Variants in ANKFN1 observed in about 807,000 individuals in gnomAD.
ANKFN1 encodes the protein ankyrin repeat and fibronectin type III domain containing 1.
ANKFN1 carries 74 observed loss-of-function variants against 108.7 expected under a neutral mutation model. The observed-to-expected ratio is 0.68, with a 90% CI of 0.56 to 0.83. ANKFN1 has a LOEUF of 0.83. Ranked by LOEUF, ANKFN1 falls within the 40% of genes least tolerant of loss-of-function variation. ANKFN1 has a pLI of 0.00. For synonymous variants in ANKFN1, 547 were observed against 516.2 expected (o/e 1.06, Z -0.81); for missense variants, 1,505 against 1,382.3 (o/e 1.09, Z -1.41).
intron 1 of ANKFN1, among the ~76,000 whole-genome samples, chr17:56,163,247 C>T (rs1049450727): frequency 1.3e-5 from 2 of 151,952 alleles, no homozygotes; most frequent in African/African-American, 4.8e-5. Context: ...CCAGTTTTGC[C>T]TATAACATTG....
At chr17:56,506,954 A>G (rs970237469) in intron 20 of ANKFN1, among the ~76,000 whole-genome samples, 2 of 152,226 alleles carry the variant, frequency 1.3e-5, no homozygotes, top group Non-Finnish European at 2.9e-5. Context: ...AACAAAATAA[A>G]GCATTCAGAG....
intron 12 of ANKFN1, 82 bp downstream of exon 12, chr17:56,457,042 A>C: frequency 7.4e-7 from 1 of 1,349,664 alleles, no homozygotes; most frequent in East Asian, 2.4e-5. Context: ...ACTTGGTAGA[A>C]ATTTTTTTGT....
chr17:56,119,078 T>C (rs1906448484), intron 4 of ANKFN1, among the ~76,000 whole-genome samples: 1 of 152,126 alleles, frequency 6.6e-6, no homozygotes, highest in Admixed American at 6.6e-5. Context: ...TTTAGGGATC[T>C]GTGAGACATA....
intron 3 of ANKFN1, among the ~76,000 whole-genome samples, chr17:56,233,590 G>A (rs1377199685): frequency 6.6e-6 from 1 of 151,744 alleles, no homozygotes; most frequent in Non-Finnish European, 1.5e-5. Context: ...TCCTAATCAT[G>A]TCCAGTTCTC....
At chr17:56,134,464 C>T (rs774813534) in intron 4 of ANKFN1, among the ~76,000 whole-genome samples, 13 of 152,130 alleles carry the variant, frequency 8.5e-5, no homozygotes, top group Non-Finnish European at 8.8e-5. Flanking sequence ...CGGCCCCTAT[C>T]CAGGAGCCCA....
intron 3 of ANKFN1, among the ~76,000 whole-genome samples, chr17:56,319,973 A>G (rs2045316687): frequency 6.6e-6 from 1 of 152,212 alleles, no homozygotes; most frequent in South Asian, 2.1e-4. Flanking sequence ...AAAGGAATGA[A>G]GTGGAAATAC....
intron 1 of ANKFN1, among the ~76,000 whole-genome samples, chr17:56,188,588 T>C (rs1288014421): frequency 8.3e-6 from 1 of 120,676 alleles, no homozygotes; most frequent in Admixed American, 8.2e-5. Context: ...TGTGTATATA[T>C]ATATATATAT....
At chr17:56,356,840 C>T (rs2046388860) in intron 6 of ANKFN1, among the ~76,000 whole-genome samples, 1 of 152,098 alleles carries the variant, frequency 6.6e-6, no homozygotes, top group Non-Finnish European at 1.5e-5. Context: ...GACCATTCAT[C>T]CAGATGTTGC....
intron 4 of ANKFN1, among the ~76,000 whole-genome samples, chr17:56,085,860 C>T (rs1279068874): frequency 6.6e-6 from 1 of 151,300 alleles, no homozygotes; most frequent in Non-Finnish European, 1.5e-5. Context: ...AGCTTGTAAG[C>T]AGGCTGTGAT....
intron 3 of ANKFN1, among the ~76,000 whole-genome samples, chr17:56,293,705 A>G (rs1263135697): frequency 6.6e-6 from 1 of 152,196 alleles, no homozygotes; most frequent in Non-Finnish European, 1.5e-5. Context: ...AAATCGAAAG[A>G]CTTTCTACTC....
chr17:56,403,127 T>C (rs921493212), intron 8 of ANKFN1, among the ~76,000 whole-genome samples: 1 of 152,180 alleles, frequency 6.6e-6, no homozygotes, highest in Non-Finnish European at 1.5e-5. Flanking sequence ...ATATGGTCTA[T>C]CTTGGAGAAA....
intron 2 of ANKFN1, among the ~76,000 whole-genome samples, chr17:56,216,749 C>A (rs911733877): frequency 1.3e-5 from 2 of 152,172 alleles, no homozygotes; most frequent in African/African-American, 4.8e-5. Context: ...AAAGCAAAGC[C>A]TCAGGTGGAG....
chr17:56,132,267 T>G (rs1321161818), intron 4 of ANKFN1, among the ~76,000 whole-genome samples: 1 of 152,176 alleles, frequency 6.6e-6, no homozygotes, highest in Non-Finnish European at 1.5e-5. Flanking sequence ...CCCCATTTGA[T>G]AAATGAAGAA....
chr17:56,430,133 C>T (rs1306867094), intron 8 of ANKFN1, among the ~76,000 whole-genome samples: 3 of 152,024 alleles, frequency 2.0e-5, no homozygotes, highest in Admixed American at 6.6e-5. Flanking sequence ...GATATTAAAC[C>T]GTAAGCTCCT....
intron 1 of ANKFN1, among the ~76,000 whole-genome samples, chr17:56,161,924 A>T (rs575231662): frequency 2.0e-5 from 3 of 152,380 alleles, no homozygotes; most frequent in Admixed American, 1.3e-4. Context: ...AAAATGCAGG[A>T]TGCAGGCAGC....
chr17:56,281,386 C>A (rs183458836), intron 3 of ANKFN1, among the ~76,000 whole-genome samples: 3 of 152,110 alleles, frequency 2.0e-5, no homozygotes, highest in Non-Finnish European at 4.4e-5. Flanking sequence ...CAACCCCTAT[C>A]TCATACAAAA....
Position 56,050,711 on chromosome 17 carries a change from G to A in ANKFN1, c.288+4386G>A, listed in dbSNP as rs558462343. 3.4e-4 allele frequency among the ~76,000 whole-genome samples: 52 copies of A among 151,984 alleles called. No homozygotes were observed. The East Asian group carries it at 3.7e-3, about 11-fold the overall frequency. ...AAAGATCAGATAGTTGTAGATATGC[G>A]GCGTTATTTCTGAGGGCTCTGTTCT... is the stretch of plus-strand genomic sequence containing the variant. On this transcript the variant is annotated intron_variant, in intron 4 of 12. Coordinates refer to the ANKFN1 transcript ENST00000635860.
intron 2 of ANKFN1, among the ~76,000 whole-genome samples, chr17:56,214,195 C>A (rs985152793): frequency 5.3e-5 from 8 of 152,194 alleles, no homozygotes; most frequent in Admixed American, 5.2e-4. Flanking sequence ...TATCCTGAAA[C>A]CTCTAGGGAT....
chr17:56,453,268 A>G (rs2049557067), intron 11 of ANKFN1, among the ~76,000 whole-genome samples: 1 of 151,554 alleles, frequency 6.6e-6, no homozygotes, highest in Admixed American at 6.6e-5. Flanking sequence ...TAATATATGT[A>G]TATTGAATTT....
Sources: gnomAD v4.1 joint callset for allele counts (sites outside exome capture counted in the v4.1 genomes callset) on GRCh38, gnomAD v4.1.1 for gene constraint, MANE v1.5 for transcripts, NCBI Gene and HGNC (gene_info 2026-07-23, HGNC 2026-07-21) for gene names.